Variants in SIRPG observed in about 807,000 individuals in gnomAD.
The protein encoded by SIRPG is signal regulatory protein gamma.
Under a neutral mutation model 35.7 loss-of-function variants are expected in SIRPG, and 38 were observed. The observed-to-expected ratio is 1.06, with a 90% CI of 0.82 to 1.40. The LOEUF is 1.40. Among genes scored for constraint, SIRPG ranks in the 40% most tolerant of loss-of-function variants. The pLI, the probability that SIRPG is intolerant of heterozygous loss-of-function variation, is 0.00. For synonymous variants in SIRPG, 215 were observed against 190.4 expected (o/e 1.13, Z -1.06); for missense variants, 519 against 483.0 (o/e 1.07, Z -0.70).
intron 2 of SIRPG, among the ~76,000 whole-genome samples, chr20:1,641,533 T>A (rs531418768): frequency 5.3e-5 from 8 of 152,252 alleles, no homozygotes; most frequent in African/African-American, 1.9e-4. Context: ...TCTATTTTGT[T>A]AATTTCTTCA....
intron 4 of SIRPG, chr20:1,630,857 C>G (rs889590441): frequency 6.6e-6 from 1 of 152,662 alleles, no homozygotes; most frequent in South Asian, 2.1e-4. Flanking sequence ...CCTGCTTAGC[C>G]CCAGAAGTAA....
intron 3 of SIRPG, among the ~76,000 whole-genome samples, chr20:1,635,803 A>G (rs1048006503): frequency 2.0e-5 from 3 of 152,210 alleles, no homozygotes; most frequent in Non-Finnish European, 4.4e-5. Flanking sequence ...GTGCTCAAGG[A>G]CTGGTAGCTC....
upstream of SIRPG, among the ~76,000 whole-genome samples, chr20:1,659,384 C>T (rs182391471): frequency 1.5e-4 from 23 of 152,188 alleles, no homozygotes; most frequent in African/African-American, 5.1e-4. Context: ...GAAATCTTCC[C>T]CTCCTTCTCC....
upstream of SIRPG, among the ~76,000 whole-genome samples, chr20:1,658,729 T>C (rs1331386275): frequency 2.0e-5 from 3 of 152,208 alleles, no homozygotes; most frequent in African/African-American, 7.2e-5. Context: ...TAGGTCATTA[T>C]TGATACTCAC....
At chr20:1,667,091 C>T in the SIRPG span, among the ~76,000 whole-genome samples, 1 of 152,154 alleles carries the variant, frequency 6.6e-6, no homozygotes, top group Non-Finnish European at 1.5e-5. Context: ...GAGACAGGGT[C>T]TCACCATGTT....
chr20:1,650,004 G>GTGTATATATATATATATATATA (rs774462534), intron 1 of SIRPG, among the ~76,000 whole-genome samples: 38 of 98,802 alleles, frequency 3.8e-4, no homozygotes, highest in African/African-American at 1.4e-3. Context: ...TTTGAAGTGT[G>GTGTATATATATATATATATATA]TATATATATA....
chr20:1,661,537 G>A (rs1295180826), upstream of SIRPG, among the ~76,000 whole-genome samples: 1 of 152,198 alleles, frequency 6.6e-6, no homozygotes, highest in Non-Finnish European at 1.5e-5. Context: ...CCTGGTAGCA[G>A]AGGAAGTGGC....
At chr20:1,634,975 G>T (rs1029260765) in intron 4 of SIRPG, among the ~76,000 whole-genome samples, 1 of 151,848 alleles carries the variant, frequency 6.6e-6, no homozygotes, top group African/African-American at 2.4e-5. Flanking sequence ...CCCGGGAGGC[G>T]GAGCTTGCGG....
At chr20:1,647,604 C>T (rs1048037577) in intron 2 of SIRPG, 4 of 152,246 alleles carry the variant, frequency 2.6e-5, no homozygotes, top group Non-Finnish European at 5.9e-5. Flanking sequence ...AGGCCATCCA[C>T]TGCAGGATTG....
chr20:1,657,154 A>ACT (rs1215930135), intron 1 of SIRPG, among the ~76,000 whole-genome samples: 1 of 152,216 alleles, frequency 6.6e-6, no homozygotes, highest in African/African-American at 2.4e-5. Flanking sequence ...CTCAGTAGAA[A>ACT]CTAACCCTGC....
chr20:1,656,642 C>T (rs1458438105), intron 1 of SIRPG, among the ~76,000 whole-genome samples: 1 of 152,140 alleles, frequency 6.6e-6, no homozygotes, highest in African/African-American at 2.4e-5. Context: ...TGTCTGGGAG[C>T]TGTGAACAGG....
chr20:1,679,890 C>T, the SIRPG span, among the ~76,000 whole-genome samples: 2 of 152,100 alleles, frequency 1.3e-5, no homozygotes, highest in African/African-American at 4.8e-5. Context: ...CTTTCTTCAG[C>T]TTTGTGTTGC....
Position 1,639,005 on chromosome 20 carries a change from T to C in SIRPG, c.431-2500A>G, listed in dbSNP as rs997830572. Reference sequence around the variant, plus strand: ...ATGGTGTATATGTACCACCTTTTCTTTGTCCAGTCTATCACTGATGGGCAT... The same window carrying C: ...ATGGTGTATATGTACCACCTTTTCTCTGTCCAGTCTATCACTGATGGGCAT... On this transcript the variant is annotated intron_variant, in intron 2 of 5. Transcript: ENST00000303415. 1.8e-4 allele frequency among the ~76,000 whole-genome samples: 28 copies of C among 152,226 alleles called. 1 individual carries two copies. The highest frequency in any genetic ancestry group is 1.8e-3 in the Admixed American group (28 of 15,280).
intron 2 of SIRPG, 76 bp downstream of exon 2, chr20:1,648,976 G>C: frequency 7.6e-7 from 1 of 1,307,394 alleles, no homozygotes; most frequent in Admixed American, 1.8e-5. Flanking sequence ...CCTGATTGTT[G>C]CTCAAAGAAT....
the SIRPG span, among the ~76,000 whole-genome samples, chr20:1,677,790 T>C: frequency 6.6e-6 from 1 of 151,960 alleles, no homozygotes; most frequent in Non-Finnish European, 1.5e-5. Flanking sequence ...AATGGTGAGA[T>C]ACAGGTCAAA....
chr20:1,651,223 C>T lies in SIRPG; in HGVS notation c.74-1815G>A, dbSNP rs192748526. On this transcript the variant is annotated intron_variant, in intron 1 of 5. Coordinates refer to ENST00000303415, the MANE Select transcript of SIRPG (RefSeq NM_018556.4). ...AATTTTTTTTAAAAAATCATATTTA[C>T]CTGATACCTCCACATCCCACAAACA... The T allele has an allele frequency of 9.2e-5, 14 of 152,258 alleles. No individual in the cohort carries two copies. In the East Asian group the frequency reaches 2.7e-3, roughly 29 times the overall value. The allele number at this position is 152,258 out of a possible 1,614,324, so 9.4% of individuals were successfully genotyped here. A position where few individuals can be genotyped will look rare whatever the true frequency, so the allele number is the denominator to read the frequency against.
intron 1 of SIRPG, among the ~76,000 whole-genome samples, chr20:1,651,884 T>A (rs1375092466): frequency 6.6e-6 from 1 of 152,214 alleles, no homozygotes; most frequent in East Asian, 1.9e-4. Flanking sequence ...TATAGCAACC[T>A]CTTCAAAGAA....
At chr20:1,670,427 C>A in the SIRPG span, among the ~76,000 whole-genome samples, 1 of 152,186 alleles carries the variant, frequency 6.6e-6, no homozygotes, top group East Asian at 1.9e-4. Context: ...ACGCCCAGCA[C>A]ACAGTAGGTG....
chr20:1,629,897 T>G (rs2091734946), intron 5 of SIRPG, among the ~76,000 whole-genome samples: 1 of 152,182 alleles, frequency 6.6e-6, no homozygotes, highest in Non-Finnish European at 1.5e-5. Context: ...TAGTTTACAA[T>G]GTGGATTTCT....
Sources: allele counts gnomAD v4.1 joint callset (sites outside exome capture counted in the v4.1 genomes callset), GRCh38; gene constraint gnomAD v4.1.1; transcripts MANE v1.5; gene names NCBI Gene and HGNC (gene_info 2026-07-23, HGNC 2026-07-21).